Variants in TNIP3 observed in about 807,000 individuals in gnomAD.
TNIP3 encodes TNFAIP3-interacting protein 3.
A neutral mutation model predicts 54.1 loss-of-function variants in TNIP3; 34 were observed. The ratio of observed to expected loss-of-function variants is 0.63; its 90% CI spans 0.48 to 0.84. The LOEUF (loss-of-function observed/expected upper bound fraction) is 0.84. TNIP3 is among the 40% of genes least tolerant of loss of function. TNIP3 has a pLI of 0.00. For synonymous variants in TNIP3, 134 were observed against 136.8 expected (o/e 0.98, Z 0.14); for missense variants, 366 against 387.6 (o/e 0.94, Z 0.47).
At chr4:121,192,758 A>G (rs1457597368) in intron 2 of TNIP3, 2 of 152,018 alleles carry the variant, frequency 1.3e-5, no homozygotes, top group African/African-American at 4.8e-5. Flanking sequence ...AATAATTATA[A>G]CTCATTTCCT....
At position 121,196,025 on chromosome 4, in the gene TNIP3, T is replaced by C. The variant is rs187599582; in HGVS notation, c.69-13229A>G. 6.3e-4 allele frequency among the ~76,000 whole-genome samples: 96 copies of C among 152,348 alleles called. 1 individual carries two copies. Among genetic ancestry groups the C allele is most frequent in the African/African-American group, 2.1e-3 (88 of 41,572 alleles). On this transcript the variant is annotated intron_variant, in intron 2 of 12. Transcript: ENST00000507879. ...TGGCAGGATTCATGGAGCCAGGCAC[T>C]GCATTAAACACCACACGCTTGATTT...
intron 4 of TNIP3, 108 bp from the exon 5 acceptor site, chr4:121,154,787 C>T (rs1169640140): frequency 3.9e-6 from 4 of 1,032,442 alleles, no homozygotes; most frequent in Admixed American, 3.0e-5. Context: ...AGGGGTCACC[C>T]TTCTGAAATA....
chr4:121,205,475 G>A (rs1481263232), intron 2 of TNIP3, among the ~76,000 whole-genome samples: 1 of 152,124 alleles, frequency 6.6e-6, no homozygotes, highest in Non-Finnish European at 1.5e-5. Flanking sequence ...AGTGAATGGG[G>A]GTTTTCAGCA....
chr4:121,154,385 C>T, intron 5 of TNIP3, 166 bp downstream of exon 5: 1 of 866,116 alleles, frequency 1.2e-6, no homozygotes, highest in South Asian at 1.6e-5. Flanking sequence ...CCAAGTATGA[C>T]TGAAAGCTGC....
chr4:121,189,570 A>C (rs1725195220), intron 2 of TNIP3, among the ~76,000 whole-genome samples: 1 of 152,226 alleles, frequency 6.6e-6, no homozygotes, highest in Admixed American at 6.5e-5. Flanking sequence ...GTTTTAGATG[A>C]CTGAGTTCAG....
At chr4:121,136,033 C>T (rs529218685) in intron 10 of TNIP3, among the ~76,000 whole-genome samples, 19 of 152,246 alleles carry the variant, frequency 1.2e-4, no homozygotes, top group Admixed American at 8.5e-4. Context: ...CTGCTGCTGG[C>T]CAGCCATAGT....
intron 4 of TNIP3, among the ~76,000 whole-genome samples, chr4:121,156,545 C>G (rs1730098150): frequency 6.6e-6 from 1 of 151,934 alleles, no homozygotes; most frequent in Non-Finnish European, 1.5e-5. Context: ...TTTAATATAG[C>G]AAAAATAATA....
chr4:121,183,981 C>A (rs1310404756), intron 2 of TNIP3, among the ~76,000 whole-genome samples: 1 of 152,132 alleles, frequency 6.6e-6, no homozygotes, highest in Non-Finnish European at 1.5e-5. Context: ...CTACCCCCTG[C>A]CCCAGTCCAT....
rs985400515 is a variant in TNIP3, at chr4:121,150,884, T to C, written c.493-665A>G. Among the ~76,000 whole-genome samples, 4 of 152,352 alleles carry C rather than the reference T, an allele frequency of 2.6e-5. No homozygotes were observed. The South Asian group carries it at 8.3e-4, about 32-fold the overall frequency. ...TCTGTTAAAACATTCATTAACTCAC[T>C]ACCGAGTGGAGAGAGTGCCCTGCTT... is the stretch of plus-strand genomic sequence containing the variant. On this transcript the variant is annotated intron_variant, in intron 5 of 10. Transcript: ENST00000057513.
intron 2 of TNIP3, among the ~76,000 whole-genome samples, chr4:121,209,754 T>C (rs566879392): frequency 6.6e-6 from 1 of 152,362 alleles, no homozygotes; most frequent in East Asian, 1.9e-4. Flanking sequence ...ATCAATTATA[T>C]TATTTTATTG....
At chr4:121,180,806 A>T (rs1162144725) in intron 3 of TNIP3, among the ~76,000 whole-genome samples, 2 of 152,148 alleles carry the variant, frequency 1.3e-5, no homozygotes, top group East Asian at 3.9e-4. Context: ...TCTGCAACTC[A>T]TTTTCGTTTT....
chr4:121,177,373 T>C (rs1225791104), intron 3 of TNIP3, among the ~76,000 whole-genome samples: 2 of 152,232 alleles, frequency 1.3e-5, no homozygotes, highest in African/African-American at 2.4e-5. Flanking sequence ...AAGCACACTT[T>C]CATGCTCATG....
intron 3 of TNIP3, among the ~76,000 whole-genome samples, chr4:121,179,963 A>G (rs1188506668): frequency 6.6e-6 from 1 of 151,678 alleles, no homozygotes; most frequent in Admixed American, 6.6e-5. Flanking sequence ...TATATTTTGT[A>G]GTTTAATGAG....
rs150033782 is a variant in TNIP3, at chr4:121,188,079, T to C, written c.69-5283A>G. On this transcript the variant is annotated intron_variant, in intron 2 of 12. Transcript: ENST00000507879. ...CAGGGAATTATGGAGGCAATATTAT[T>C]AGGCAAAGAGTTTGAGGTGAGAGTA... Among the ~76,000 whole-genome samples the C allele has an allele frequency of 6.4e-3, 980 of 152,278 alleles. 7 individuals are homozygous for C. Among genetic ancestry groups the C allele is most frequent in the Admixed American group, 0.012 (179 of 15,298 alleles).
chr4:121,155,048 C>T (rs1451079800), intron 4 of TNIP3, among the ~76,000 whole-genome samples: 5 of 151,690 alleles, frequency 3.3e-5, no homozygotes, highest in South Asian at 4.2e-4. Flanking sequence ...CTGCAACCTC[C>T]GCCTCCCAGG....
At chr4:121,199,246 A>T (rs1046750506) in intron 2 of TNIP3, among the ~76,000 whole-genome samples, 4 of 152,212 alleles carry the variant, frequency 2.6e-5, no homozygotes, top group Non-Finnish European at 5.9e-5. Flanking sequence ...ACTTCAGGGA[A>T]CCAGGAAGGG....
chr4:121,220,033 A>C (rs1056452537), upstream of TNIP3, among the ~76,000 whole-genome samples: 41 of 152,222 alleles, frequency 2.7e-4, no homozygotes, highest in African/African-American at 9.6e-4. Flanking sequence ...CCTTGTATCC[A>C]TATATAATAA....
At chr4:121,167,572 TA>T (rs761029912), upstream of TNIP3, among the ~76,000 whole-genome samples, 36 of 152,192 alleles carry the variant, frequency 2.4e-4, no homozygotes, top group Admixed American at 4.6e-4. Flanking sequence ...TTTCAAAGTT[TA>T]TTTGGATGAA....
chr4:121,169,961 C>T (rs1476025330), intron 3 of TNIP3, among the ~76,000 whole-genome samples: 2 of 152,172 alleles, frequency 1.3e-5, no homozygotes, highest in African/African-American at 4.8e-5. Flanking sequence ...CTTTTGTTGA[C>T]GAGTCTGCAG....
Sources: gnomAD v4.1 joint callset for allele counts (sites outside exome capture counted in the v4.1 genomes callset) on GRCh38, gnomAD v4.1.1 for gene constraint, MANE v1.5 for transcripts, NCBI Gene and HGNC (gene_info 2026-07-23, HGNC 2026-07-21) for gene names.